The following CDH8 variants were observed in gnomAD, a reference collection of about 807,000 sequenced individuals.
The protein encoded by CDH8 is cadherin 8.
In CDH8, 17 loss-of-function variants were observed where a neutral mutation model predicts 68.1. The observed-to-expected ratio is 0.25, with a 90% CI of 0.17 to 0.37. CDH8 has a LOEUF of 0.37. Ranked by LOEUF, CDH8 falls within the 10% of genes least tolerant of loss-of-function variation. The pLI is 1.00. For missense variants in CDH8, 763 were observed against 999.3 expected, an observed-to-expected ratio of 0.76 and a Z score of 3.19; for synonymous variants, 372 against 365.1, an observed-to-expected ratio of 1.02 and a Z score of -0.21.
chr16:61,959,978 GTGTGTGTATA>G lies in CDH8; in HGVS notation c.253-58515_253-58506del, dbSNP rs1457089500. 3.9e-4 allele frequency among the ~76,000 whole-genome samples: 18 copies of G among 46,514 alleles called. No individual in the cohort carries two copies. The East Asian group carries it at 5.1e-3, about 13-fold the overall frequency. 30.5% of individuals were successfully genotyped at this position (46,514 alleles called of 152,430 possible). A position where few individuals can be genotyped will look rare whatever the true frequency, so the allele number is the denominator to read the frequency against. On this transcript the variant is annotated intron_variant, in intron 2 of 11. Coordinates refer to ENST00000577390, the MANE Select transcript of CDH8 (RefSeq NM_001796.5). The stretch of plus-strand genomic sequence containing the variant: ...TTCTCTGTATGTGGTGTATGTGTGT[GTGTGTGTATA>G]TATATATATATATATATATATATAT...
intron 10 of CDH8, among the ~76,000 whole-genome samples, chr16:61,684,443 G>T (rs140589050): frequency 6.6e-6 from 1 of 151,924 alleles, no homozygotes; most frequent in Non-Finnish European, 1.5e-5. Flanking sequence ...AATCCAGATA[G>T]AGCTTAATAT....
chr16:61,756,016 T>A lies in CDH8; in HGVS notation c.1415-28801A>T, dbSNP rs1420285851. 2.0e-5 allele frequency among the ~76,000 whole-genome samples: 3 copies of A among 152,074 alleles called. No individual in the cohort carries two copies. In the East Asian group the frequency reaches 5.8e-4, roughly 29 times the overall value. Reference sequence around the variant, plus strand: ...TTGTAATTTTAATAGAGACAGGGTTTCGCCATGTTGACCAGGCTCGTCTCA... The same window carrying A: ...TTGTAATTTTAATAGAGACAGGGTTACGCCATGTTGACCAGGCTCGTCTCA... On this transcript the variant is annotated intron_variant, in intron 8 of 11. Transcript: ENST00000577390.
chr16:61,736,733 G>A (rs960912870), intron 8 of CDH8, among the ~76,000 whole-genome samples: 14 of 152,076 alleles, frequency 9.2e-5, no homozygotes, highest in African/African-American at 2.7e-4. Flanking sequence ...AATGATAGCA[G>A]TTCAAATTTT....
intron 7 of CDH8, among the ~76,000 whole-genome samples, chr16:61,815,587 TA>T (rs1962054548): frequency 6.6e-6 from 1 of 152,160 alleles, no homozygotes; most frequent in Non-Finnish European, 1.5e-5. Flanking sequence ...GTTGGGAGCT[TA>T]TATTATTGTG....
rs766662584 is a variant in CDH8, at chr16:61,647,978, G to A, written c.*5630C>T. 1.3e-5 allele frequency: 8 copies of A among 630,372 alleles called. No homozygotes were observed. The highest frequency in any genetic ancestry group is 2.6e-4 in the Middle Eastern group (1 of 3,784). 39.0% of individuals were successfully genotyped at this position (630,372 alleles called of 1,614,324 possible). A position where few individuals can be genotyped will look rare whatever the true frequency, so the allele number is the denominator to read the frequency against. ...CATTCAAGATGTGAATTAGATGGTGGCAGGTAACTCAAGTTGGGGAAATAG... is the reference window on the plus strand; with the variant it reads ...CATTCAAGATGTGAATTAGATGGTGACAGGTAACTCAAGTTGGGGAAATAG... On this transcript the variant is annotated 3_prime_UTR_variant, in exon 12 of 12. Coordinates refer to ENST00000577390, the MANE Select transcript of CDH8 (RefSeq NM_001796.5).
chr16:61,910,476 A>C (rs1597058544), intron 2 of CDH8, among the ~76,000 whole-genome samples: 1 of 152,174 alleles, frequency 6.6e-6, no homozygotes, highest in East Asian at 1.9e-4. Flanking sequence ...AAAGATTTAA[A>C]AGTGTTCAGA....
chr16:61,968,750 C>G (rs545606888), intron 2 of CDH8, among the ~76,000 whole-genome samples: 1 of 152,170 alleles, frequency 6.6e-6, no homozygotes, highest in Non-Finnish European at 1.5e-5. Context: ...GGCCCAGGCC[C>G]CCACAGCTTT....
chr16:61,906,079 C>G (rs1183371888), intron 2 of CDH8, among the ~76,000 whole-genome samples: 1 of 151,860 alleles, frequency 6.6e-6, no homozygotes, highest in African/African-American at 2.4e-5. Context: ...AATAAGAGAG[C>G]AAGACAGGGG....
At chr16:61,658,684 G>A (rs67445021) in intron 10 of CDH8, among the ~76,000 whole-genome samples, 18,885 of 151,820 alleles carry the variant, frequency 0.12, 1,200 homozygotes, top group African/African-American at 0.15. Flanking sequence ...TTCTCATACC[G>A]TGTTCTTTAA....
intron 2 of CDH8, among the ~76,000 whole-genome samples, chr16:61,993,345 A>C (rs1022641828): frequency 6.6e-6 from 1 of 151,804 alleles, no homozygotes; most frequent in African/African-American, 2.4e-5. Flanking sequence ...TTTGAGACGG[A>C]GTTTCACTCT....
chr16:62,020,751 TAA>T (rs1403407197), intron 2 of CDH8, among the ~76,000 whole-genome samples: 1 of 152,042 alleles, frequency 6.6e-6, no homozygotes, highest in African/African-American at 2.4e-5. Flanking sequence ...TAAAATAAAA[TAA>T]AACAAAATAA....
chr16:62,021,080 A>T (rs1246757207), intron 2 of CDH8, 72 bp downstream of exon 2: 1 of 1,320,032 alleles, frequency 7.6e-7, no homozygotes, highest in African/African-American at 1.5e-5. Context: ...TCACAATTAA[A>T]AAGAGTCTGG....
In CDH8 at chr16:61,845,462, C is replaced by T. The variant is rs957048059; in HGVS notation, c.667+11657G>A. Among the ~76,000 whole-genome samples the T allele has an allele frequency of 2.3e-4, 34 of 146,910 alleles. No homozygotes were observed. In the East Asian group the frequency reaches 3.0e-3, roughly 13 times the overall value. ...TGTGTCACATACAATAAAACTTTAC[C>T]GCACGTGAAAACTACCTTTAAAGAA... On this transcript the variant is annotated intron_variant, in intron 4 of 11. Coordinates refer to ENST00000577390, the MANE Select transcript of CDH8 (RefSeq NM_001796.5).
rs141847811 is a variant in CDH8 at position 61,821,328 on chromosome 16, C to T, written c.836-215G>A. 7.7e-3 allele frequency among the ~76,000 whole-genome samples: 1,178 copies of T among 152,078 alleles called. 10 individuals carry two copies. Among genetic ancestry groups the T allele is most frequent in the Non-Finnish European group, 0.011 (724 of 67,950 alleles). ...ACAGTTCCCAGAAGAAGGCATGATC[C>T]CTTTTCAAGGCTCTTCTGAGATATG... On this transcript the variant is annotated intron_variant, in intron 5 of 11. Coordinates refer to ENST00000577390, the MANE Select transcript of CDH8 (RefSeq NM_001796.5).
At chr16:61,979,430 T>A (rs1006750743) in intron 2 of CDH8, among the ~76,000 whole-genome samples, 1 of 152,154 alleles carries the variant, frequency 6.6e-6, no homozygotes, top group African/African-American at 2.4e-5. Flanking sequence ...TTTGCATGGG[T>A]GCCTCAATTC....
intron 2 of CDH8, among the ~76,000 whole-genome samples, chr16:62,002,242 CTG>C (rs967111665): frequency 2.0e-5 from 3 of 151,892 alleles, no homozygotes; most frequent in African/African-American, 7.3e-5. Flanking sequence ...AGTTTCTAAA[CTG>C]TGTGTGTGTA....
At chr16:61,772,012 A>C (rs1007108039) in intron 8 of CDH8, among the ~76,000 whole-genome samples, 1 of 151,894 alleles carries the variant, frequency 6.6e-6, no homozygotes, top group Admixed American at 6.6e-5. Flanking sequence ...GGCTTATTTG[A>C]GTGGGCAGCA....
intron 2 of CDH8, among the ~76,000 whole-genome samples, chr16:61,933,108 T>C (rs1394390703): frequency 2.0e-5 from 3 of 152,208 alleles, no homozygotes; most frequent in African/African-American, 7.2e-5. Flanking sequence ...GACCTTCTCA[T>C]CTCTATTTTA....
chr16:61,680,856 T>G (rs1307460839), intron 10 of CDH8, among the ~76,000 whole-genome samples: 1 of 151,972 alleles, frequency 6.6e-6, no homozygotes, highest in Non-Finnish European at 1.5e-5. Context: ...TAAATATTTG[T>G]GGCTGAAAGA....
Sources: allele counts gnomAD v4.1 joint callset (sites outside exome capture counted in the v4.1 genomes callset), GRCh38; gene constraint gnomAD v4.1.1; transcripts MANE v1.5; gene names NCBI Gene and HGNC (gene_info 2026-07-23, HGNC 2026-07-21).